Variants in IL5RA observed in about 807,000 individuals in gnomAD.
IL5RA encodes interleukin 5 receptor subunit alpha, also known as interleukin-5 receptor subunit alpha.
In IL5RA, 49 loss-of-function variants were observed where a neutral mutation model predicts 50.0. That is an observed-to-expected ratio of 0.98 (90% CI 0.78 to 1.24). The LOEUF (loss-of-function observed/expected upper bound fraction) is 1.24, where lower values mean the gene tolerates loss of function less well. Among genes scored for constraint, IL5RA ranks in the 50% most tolerant of loss-of-function variants. The pLI, the probability that IL5RA is intolerant of heterozygous loss-of-function variation, is 0.00. For missense variants in IL5RA, 600 were observed against 500.4 expected, an observed-to-expected ratio of 1.20 and a Z score of -1.90; for synonymous variants, 202 against 174.0, an observed-to-expected ratio of 1.16 and a Z score of -1.26.
At position 3,101,680 on chromosome 3, in the gene IL5RA, G is replaced by C; in HGVS notation, c.367+12C>G. 1 of 1,607,456 alleles carries C rather than the reference G, an allele frequency of 6.2e-7. No homozygotes were observed. Among genetic ancestry groups the C allele is most frequent in the Non-Finnish European group, 8.5e-7 (1 of 1,178,294 alleles). ...AAAACATACAAACTGGACTTTTGGA[G>C]GCCTGCTTTACCTGGTGGGGCATGA... On this transcript the variant is annotated intron_variant, in intron 5 of 11. Transcript: ENST00000446632.
chr3:3,074,595 C>A (rs958046663), intron 11 of IL5RA, among the ~76,000 whole-genome samples, 187 bp downstream of exon 11: 1 of 152,070 alleles, frequency 6.6e-6, no homozygotes, highest in African/African-American at 2.4e-5. Flanking sequence ...ATAGCAAGAC[C>A]CCATCTCTTA....
intron 9 of IL5RA, among the ~76,000 whole-genome samples, chr3:3,081,971 A>G (rs1702680078): frequency 6.6e-6 from 1 of 152,232 alleles, no homozygotes; most frequent in Non-Finnish European, 1.5e-5. Flanking sequence ...TGAAGAAAAC[A>G]TAAATTGGCA....
chr3:3,095,244 A>T, intron 8 of IL5RA, 55 bp downstream of exon 8: 1 of 1,408,980 alleles, frequency 7.1e-7, no homozygotes, highest in South Asian at 1.2e-5. Flanking sequence ...TAATTTTTTA[A>T]ATGTTTCTAA....
chr3:3,071,388 CT>C (rs999366480), intron 11 of IL5RA, among the ~76,000 whole-genome samples: 1 of 152,204 alleles, frequency 6.6e-6, no homozygotes, highest in Non-Finnish European at 1.5e-5. Flanking sequence ...CTTTGGGAGG[CT>C]GAAGCAGGCG....
rs1704110568 is a variant in IL5RA, at chr3:3,110,052, A to G, written c.-253T>C. 1 of 152,172 alleles carries G rather than the reference A, an allele frequency of 6.6e-6. No homozygotes were observed. The highest frequency in any genetic ancestry group is 1.5e-5 in the Non-Finnish European group (1 of 68,046). 9.4% of individuals were successfully genotyped at this position (152,172 alleles called of 1,614,324 possible). A position where few individuals can be genotyped will look rare whatever the true frequency, so the allele number is the denominator to read the frequency against. On this transcript the variant is annotated 5_prime_UTR_variant, in exon 1 of 12. It removes an upstream start codon present in the reference 5' UTR. Transcript: ENST00000446632. ...AGAGGCGGTTCTTCACTCTTTCATC[A>G]TCACGGCTGTAATGGTTAAAAACTC...
chr3:3,100,507 A>C (rs549058507), intron 5 of IL5RA, among the ~76,000 whole-genome samples: 1 of 152,336 alleles, frequency 6.6e-6, no homozygotes, highest in South Asian at 2.1e-4. Flanking sequence ...AATGACCAGA[A>C]AGTCCACACC....
chr3:3,097,779 G>A lies in IL5RA; in HGVS notation c.709+91C>T, dbSNP rs17884728. 6.6e-4 allele frequency: 877 copies of A among 1,338,350 alleles called. 3 individuals are homozygous for A. In the African/African-American group the frequency reaches 0.011, roughly 17 times the overall value. 82.9% of individuals were successfully genotyped at this position (1,338,350 alleles called of 1,614,324 possible). On this transcript the variant is annotated intron_variant, in intron 7 of 11. Coordinates refer to ENST00000446632, the MANE Select transcript of IL5RA (RefSeq NM_175726.4). The stretch of plus-strand genomic sequence containing the variant: ...CTGATGCTTACTTGGCATCAGAGAA[G>A]CAGTAAAACTAGGTGATCTTTATAA...
intron 9 of IL5RA, among the ~76,000 whole-genome samples, chr3:3,089,490 G>A (rs546362401): frequency 2.6e-5 from 4 of 152,274 alleles, no homozygotes; most frequent in East Asian, 1.9e-4. Context: ...TAGCTTAAGC[G>A]AATGAATTAA....
intron 5 of IL5RA, among the ~76,000 whole-genome samples, chr3:3,099,896 T>C (rs916396020): frequency 1.3e-5 from 2 of 152,116 alleles, no homozygotes; most frequent in Non-Finnish European, 2.9e-5. Flanking sequence ...TCTCGAACAC[T>C]TAACCTCAAG....
chr3:3,089,695 C>G (rs3762763), intron 9 of IL5RA, among the ~76,000 whole-genome samples: 77,839 of 151,246 alleles, frequency 0.51, 20,487 homozygotes, highest in African/African-American at 0.56. Context: ...GTGGCGCAAT[C>G]TTGGCTCACT....
At chr3:3,085,959 T>C (rs1251992607) in intron 9 of IL5RA, among the ~76,000 whole-genome samples, 2 of 150,446 alleles carry the variant, frequency 1.3e-5, no homozygotes, top group East Asian at 3.9e-4. Flanking sequence ...TGTGACCTCA[T>C]GAATGAGTGA....
chr3:3,090,108 T>A, intron 9 of IL5RA: 1 of 1,195,320 alleles, frequency 8.4e-7, no homozygotes, highest in Non-Finnish European at 1.2e-6. Flanking sequence ...AGTTTTTTGA[T>A]AGGACTAAGA....
intron 7 of IL5RA, among the ~76,000 whole-genome samples, chr3:3,096,144 G>T (rs994826366): frequency 1.3e-5 from 2 of 152,118 alleles, no homozygotes; most frequent in African/African-American, 2.4e-5. Flanking sequence ...TGAGCGTGGT[G>T]GTGGGCGCCT....
Position 3,098,171 on chromosome 3 carries a change from C to A in IL5RA, c.487G>T (p.Ala163Ser). ...LHCTWLVGTD[A>S]PEDTQYFLYY... is the part of the protein sequence containing the mutation. ...AGAAAATACTGCGTGTCCTCAGGGG[C>A]ATCTGTGCCAACAAGCCAGGTGCAG... is the stretch of plus-strand genomic sequence containing the variant. The change falls in exon 6 of 12, where the codon GCC becomes TCC. Residue 163 changes from alanine (A) to serine (S), a missense_variant. Transcript: ENST00000446632. The A allele has an allele frequency of 1.9e-6, 3 of 1,614,142 alleles. No homozygotes were observed. The highest frequency in any genetic ancestry group is 2.5e-6 in the Non-Finnish European group (3 of 1,180,018).
chr3:3,094,415 C>T (rs1703262604), intron 8 of IL5RA, among the ~76,000 whole-genome samples: 1 of 152,188 alleles, frequency 6.6e-6, no homozygotes, highest in African/African-American at 2.4e-5. Context: ...CTCAAGGCTC[C>T]TCCATGTGGT....
intron 5 of IL5RA, among the ~76,000 whole-genome samples, chr3:3,101,115 G>A (rs1248148398): frequency 1.3e-5 from 2 of 151,474 alleles, no homozygotes; most frequent in Non-Finnish European, 2.9e-5. Flanking sequence ...GGAGGCAGAG[G>A]TTGCAGTGAG....
intron 6 of IL5RA, 23 bp from the exon 7 acceptor site, chr3:3,098,080 G>A (rs559166807): frequency 2.5e-5 from 41 of 1,614,070 alleles, no homozygotes; most frequent in Non-Finnish European, 3.4e-5. Flanking sequence ...ATTTACGAGT[G>A]TTATGAGGTT....
intron 3 of IL5RA, among the ~76,000 whole-genome samples, chr3:3,103,906 T>C (rs1703778556): frequency 6.6e-6 from 1 of 152,258 alleles, no homozygotes; most frequent in Admixed American, 6.5e-5. Context: ...TATCAGGATT[T>C]ATCCATTGAC....
At chr3:3,096,478 G>A (rs1206952957) in intron 7 of IL5RA, among the ~76,000 whole-genome samples, 2 of 152,130 alleles carry the variant, frequency 1.3e-5, no homozygotes, top group Non-Finnish European at 2.9e-5. Context: ...GAAAAGCTAG[G>A]AGTGGGATCC....
Sources: allele counts gnomAD v4.1 joint callset (sites outside exome capture counted in the v4.1 genomes callset), GRCh38; gene constraint gnomAD v4.1.1; transcripts MANE v1.5; gene names NCBI Gene and HGNC (gene_info 2026-07-23, HGNC 2026-07-21).